Variants in LIPA observed in about 807,000 individuals in gnomAD.
LIPA encodes lysosomal acid lipase/cholesteryl ester hydrolase.
Under a neutral mutation model 40.6 loss-of-function variants are expected in LIPA, and 26 were observed. The ratio of observed to expected loss-of-function variants is 0.64; its 90% CI spans 0.47 to 0.89. The LOEUF (loss-of-function observed/expected upper bound fraction) is 0.89. LIPA is among the 40% of genes least tolerant of loss of function. The pLI is 0.00. For missense variants in LIPA, 455 were observed against 479.6 expected, an observed-to-expected ratio of 0.95 and a Z score of 0.48; for synonymous variants, 188 against 168.4, an observed-to-expected ratio of 1.12 and a Z score of -0.90.
chr10:89,280,445 G>A (rs1269230885), intron 1 of LIPA, among the ~76,000 whole-genome samples: 2 of 152,148 alleles, frequency 1.3e-5, no homozygotes, highest in Non-Finnish European at 2.9e-5. Flanking sequence ...CCACTGCCTC[G>A]CCTGGCGTTA....
chr10:89,400,203 A>G (rs192136159), intron 2 of LIPA, among the ~76,000 whole-genome samples: 12 of 152,316 alleles, frequency 7.9e-5, no homozygotes, highest in Admixed American at 5.2e-4. Flanking sequence ...TTGAAATCAG[A>G]ATGTGTGAGA....
intron 1 of LIPA, among the ~76,000 whole-genome samples, chr10:89,341,961 AAAAG>A (rs1352756033): frequency 1.2e-4 from 19 of 152,374 alleles, no homozygotes; most frequent in South Asian, 2.1e-4. Flanking sequence ...TCTCACTACA[AAAAG>A]AAAGGTAAGT....
intron 1 of LIPA, among the ~76,000 whole-genome samples, chr10:89,250,817 A>C (rs1269040022): frequency 6.6e-6 from 1 of 152,188 alleles, no homozygotes; most frequent in Non-Finnish European, 1.5e-5. Context: ...AGCAATTCTT[A>C]CTAAGAAGGA....
At chr10:89,407,028 G>T (rs1841421450) in intron 2 of LIPA, among the ~76,000 whole-genome samples, 4 of 152,252 alleles carry the variant, frequency 2.6e-5, no homozygotes, top group Middle Eastern at 3.4e-3. Flanking sequence ...GGCTTTCTGG[G>T]AAAGGGCTCT....
chr10:89,236,441 C>T (rs1217139323), intron 3 of LIPA, among the ~76,000 whole-genome samples: 1 of 152,316 alleles, frequency 6.6e-6, no homozygotes, highest in East Asian at 1.9e-4. Flanking sequence ...TCTTGCAGTT[C>T]TCATATGTTT....
intron 1 of LIPA, among the ~76,000 whole-genome samples, chr10:89,341,920 G>A (rs901271736): frequency 3.9e-5 from 6 of 152,298 alleles, no homozygotes; most frequent in South Asian, 4.1e-4. Context: ...TGTTGCATAC[G>A]TGAAAATTGC....
chr10:89,280,705 T>C (rs1291834342), intron 1 of LIPA, among the ~76,000 whole-genome samples: 2 of 152,268 alleles, frequency 1.3e-5, no homozygotes, highest in Non-Finnish European at 2.9e-5. Context: ...CTTCACCATC[T>C]GGTTTCACTA....
rs188992349 is a variant in LIPA at position 89,266,742 on chromosome 10, A to G, written c.-1-19093T>C. ...CCCAGTTTCTAATTAAAGAGGGTCT[A>G]CCAAGTAACCTCATAAATCTGTTCC... is the stretch of plus-strand genomic sequence containing the variant. On this transcript the variant is annotated intron_variant, in intron 1 of 5. Transcript: ENST00000282673. Among the ~76,000 whole-genome samples, 222 of 152,368 alleles carry G rather than the reference A, an allele frequency of 1.5e-3. 1 individual carries two copies. The Middle Eastern group carries it at 0.02, about 14-fold the overall frequency.
rs181337274 is a variant in LIPA at position 89,338,625 on chromosome 10, T to A, written c.-2+3986A>T. The stretch of plus-strand genomic sequence containing the variant: ...GATCACAGGGTGCAGTGCTTGGCAG[T>A]GTACATCACAGTGACCATGTTTATT... On this transcript the variant is annotated intron_variant, in intron 1 of 5. Coordinates refer to the LIPA transcript ENST00000282673. 3.1e-5 allele frequency: 49 copies of A among 1,579,904 alleles called. No homozygotes were observed. In the Admixed American group the frequency reaches 7.4e-4, roughly 24 times the overall value.
intron 2 of LIPA, among the ~76,000 whole-genome samples, chr10:89,385,495 C>T (rs1423574445): frequency 4.6e-5 from 7 of 152,188 alleles, no homozygotes; most frequent in Non-Finnish European, 7.3e-5. Flanking sequence ...TTGGAATGAG[C>T]AGTTTTCATC....
chr10:89,227,774 G>A (rs939011935), intron 4 of LIPA, among the ~76,000 whole-genome samples: 9 of 152,182 alleles, frequency 5.9e-5, no homozygotes, highest in African/African-American at 1.2e-4. Context: ...TAAGGAAACC[G>A]AGACACAGGA....
chr10:89,376,503 C>A (rs1469559297), intron 2 of LIPA, among the ~76,000 whole-genome samples: 1 of 152,184 alleles, frequency 6.6e-6, no homozygotes, highest in Non-Finnish European at 1.5e-5. Context: ...GGAGCAGTAA[C>A]TGGAGCAGTA....
intron 3 of LIPA, among the ~76,000 whole-genome samples, chr10:89,232,092 CAATTAT>C (rs1392154515): frequency 6.6e-6 from 1 of 152,080 alleles, no homozygotes. Context: ...GTGTAAGTGA[CAATTAT>C]AATTACCAAA....
At chr10:89,294,532 T>C (rs1843397001) in intron 1 of LIPA, among the ~76,000 whole-genome samples, 1 of 152,196 alleles carries the variant, frequency 6.6e-6, no homozygotes, top group Non-Finnish European at 1.5e-5. Context: ...AAGAGGACAA[T>C]GCCCCCATAA....
chr10:89,413,037 T>G, intron 1 of LIPA: 1 of 172,546 alleles, frequency 5.8e-6, no homozygotes, highest in Non-Finnish European at 1.3e-5. Context: ...AGCCCCAGTG[T>G]GTGTTGTTCC....
At chr10:89,373,604 A>T (rs561530825) in intron 2 of LIPA, among the ~76,000 whole-genome samples, 1 of 152,254 alleles carries the variant, frequency 6.6e-6, no homozygotes, top group South Asian at 2.1e-4. Context: ...TATTGCATGG[A>T]TTATTAAGGT....
chr10:89,254,378 A>G (rs560939667), upstream of LIPA, among the ~76,000 whole-genome samples: 6 of 152,338 alleles, frequency 3.9e-5, no homozygotes, highest in South Asian at 1.2e-3. Flanking sequence ...TACCCTGTGA[A>G]GCCATGGCCT....
At chr10:89,296,006 TG>T (rs1843412393) in intron 1 of LIPA, among the ~76,000 whole-genome samples, 1 of 152,230 alleles carries the variant, frequency 6.6e-6, no homozygotes, top group African/African-American at 2.4e-5. Flanking sequence ...ACAGTGACCA[TG>T]GCAAAACCTT....
upstream of LIPA, among the ~76,000 whole-genome samples, chr10:89,252,945 A>G (rs968123957): frequency 1.4e-4 from 22 of 152,202 alleles, no homozygotes; most frequent in Admixed American, 3.9e-4. Flanking sequence ...TTCTGGGTGA[A>G]AATAGCAGGT....
Sources: allele counts gnomAD v4.1 joint callset (sites outside exome capture counted in the v4.1 genomes callset), GRCh38; gene constraint gnomAD v4.1.1; transcripts MANE v1.5; gene names NCBI Gene and HGNC (gene_info 2026-07-23, HGNC 2026-07-21).